TGFBR2: variants seen among roughly 807,000 people sequenced by gnomAD.
TGFBR2 encodes the protein transforming growth factor beta receptor 2.
In TGFBR2, 18 loss-of-function variants were observed where a neutral mutation model predicts 49.0. That is an observed-to-expected ratio of 0.37 (90% confidence interval 0.25 to 0.54). The LOEUF (loss-of-function observed/expected upper bound fraction) is 0.54. TGFBR2 is among the 20% of genes least tolerant of loss of function. The probability of loss-of-function intolerance (pLI) is 0.85; values close to 1 mark genes in which losing one functional copy is unlikely to be tolerated. For synonymous variants in TGFBR2, 282 were observed against 275.9 expected, an observed-to-expected ratio of 1.02 and a Z score of -0.22; for missense variants, 525 against 722.6, an observed-to-expected ratio of 0.73 and a Z score of 3.13.
chr3:30,648,455 CACACACA>C (rs1698815890), intron 2 of TGFBR2, among the ~76,000 whole-genome samples: 1 of 140,508 alleles, frequency 7.1e-6, no homozygotes, highest in African/African-American at 2.7e-5. Context: ...CACACACACA[CACACACA>C]AAACTGTGGG....
chr3:30,688,134 G>T (rs903432972), intron 5 of TGFBR2, among the ~76,000 whole-genome samples: 1 of 152,146 alleles, frequency 6.6e-6, no homozygotes, highest in Non-Finnish European at 1.5e-5. Flanking sequence ...TGTCCACTGT[G>T]TCCCCCAGCG....
intron 3 of TGFBR2, among the ~76,000 whole-genome samples, chr3:30,658,076 C>A (rs1412294334): frequency 3.3e-5 from 5 of 152,204 alleles, no homozygotes; most frequent in Admixed American, 1.3e-4. Flanking sequence ...CTACTCAACT[C>A]TTCTGTGGTA....
At chr3:30,678,313 C>T (rs952483458) in intron 5 of TGFBR2, among the ~76,000 whole-genome samples, 3 of 151,992 alleles carry the variant, frequency 2.0e-5, no homozygotes, top group African/African-American at 7.2e-5. Context: ...TTTGGGAAGC[C>T]GAGGCGGGTG....
chr3:30,642,780 C>G, intron 1 of TGFBR2, among the ~76,000 whole-genome samples: 1 of 152,062 alleles, frequency 6.6e-6, no homozygotes, highest in Non-Finnish European at 1.5e-5. Flanking sequence ...AAAATTGATC[C>G]AAGTATAACC....
intron 1 of TGFBR2, among the ~76,000 whole-genome samples, chr3:30,629,497 C>G (rs987098839): frequency 6.6e-6 from 1 of 152,192 alleles, no homozygotes; most frequent in Admixed American, 6.5e-5. Flanking sequence ...CTGTTTATAC[C>G]CTCCATACCT....
chr3:30,627,048 T>C (rs1160984435), intron 1 of TGFBR2, among the ~76,000 whole-genome samples: 2 of 152,116 alleles, frequency 1.3e-5, no homozygotes, highest in Non-Finnish European at 2.9e-5. Flanking sequence ...GATGGGAAGA[T>C]AGGAAATCCC....
At chr3:30,683,608 C>T (rs564387941) in intron 5 of TGFBR2, among the ~76,000 whole-genome samples, 55 of 152,332 alleles carry the variant, frequency 3.6e-4, no homozygotes, top group Admixed American at 7.8e-4. Context: ...ATTTACATTT[C>T]TTTATACATA....
intron 3 of TGFBR2, among the ~76,000 whole-genome samples, chr3:30,657,246 G>T (rs950747161): frequency 6.6e-6 from 1 of 152,166 alleles, no homozygotes; most frequent in African/African-American, 2.4e-5. Context: ...CCCATGGGAG[G>T]CTGCACAACT....
intron 1 of TGFBR2, among the ~76,000 whole-genome samples, chr3:30,638,807 G>A (rs1698589826): frequency 6.6e-6 from 1 of 152,162 alleles, no homozygotes; most frequent in Non-Finnish European, 1.5e-5. Context: ...TCTTTGTTCT[G>A]GGTGGGAGGA....
At chr3:30,688,020 G>C (rs1175426043) in intron 5 of TGFBR2, among the ~76,000 whole-genome samples, 1 of 152,100 alleles carries the variant, frequency 6.6e-6, no homozygotes, top group East Asian at 1.9e-4. Context: ...TAATACATAA[G>C]ATTTTTCCAC....
At chr3:30,655,787 G>A (rs1230148984) in intron 3 of TGFBR2, among the ~76,000 whole-genome samples, 1 of 152,200 alleles carries the variant, frequency 6.6e-6, no homozygotes, top group African/African-American at 2.4e-5. Flanking sequence ...CCAGCACAGT[G>A]GCTGGCACAC....
rs775405890 is a variant in TGFBR2, at chr3:30,606,954, T to C, written c.71T>C (p.Ile24Thr). The C allele has an allele frequency of 6.2e-7, 1 of 1,601,890 alleles. No homozygotes were observed. The highest frequency in any genetic ancestry group is 2.3e-5 in the East Asian group (1 of 44,208). ...IVLWTRIAST[I>T]PPHVQKSVNN... is the part of the protein sequence containing the mutation. The stretch of plus-strand genomic sequence containing the variant: ...CTGTGGACGCGTATCGCCAGCACGA[T>C]CCCACCGCACGTTCAGAAGTCGGGT... The change falls in exon 1 of 7, where the codon ATC becomes ACC. Residue 24 changes from isoleucine to threonine, a missense_variant. Ile to Thr is a moderately conservative substitution (Grantham distance 89). Coordinates refer to ENST00000295754, the MANE Select transcript of TGFBR2 (RefSeq NM_003242.6).
chr3:30,606,773 G>T lies in TGFBR2; in HGVS notation c.-111G>T. 1.3e-6 allele frequency: 1 copy of T among 784,522 alleles called. No homozygotes were observed. Among genetic ancestry groups the T allele is most frequent in the South Asian group, 5.5e-5 (1 of 18,266 alleles). The allele number at this position is 784,522 out of a possible 1,614,324, so 48.6% of individuals were successfully genotyped here. ...ATCTGGCCCGCACATCTGCGCTGCC[G>T]GCCCGGCGCGGGGTCCGGAGAGGGC... On this transcript the variant is annotated 5_prime_UTR_variant, in exon 1 of 7. Coordinates refer to ENST00000295754, the MANE Select transcript of TGFBR2 (RefSeq NM_003242.6).
chr3:30,638,970 A>C (rs1301395955), intron 1 of TGFBR2, among the ~76,000 whole-genome samples: 3 of 152,194 alleles, frequency 2.0e-5, no homozygotes, highest in African/African-American at 7.2e-5. Context: ...CCTTTCAGAG[A>C]ACATGTCTTT....
chr3:30,689,457 G>A (rs1402113320), intron 6 of TGFBR2, among the ~76,000 whole-genome samples: 2 of 152,206 alleles, frequency 1.3e-5, no homozygotes, highest in African/African-American at 2.4e-5. Context: ...CCGAGGCTAA[G>A]TTGTTGGTTT....
At chr3:30,642,929 C>A (rs916695678) in intron 1 of TGFBR2, among the ~76,000 whole-genome samples, 2 of 152,132 alleles carry the variant, frequency 1.3e-5, no homozygotes, top group African/African-American at 4.8e-5. Context: ...TAGCTTGTTA[C>A]CTAAAAATAA....
At chr3:30,669,266 C>G (rs1359055224) in intron 3 of TGFBR2, among the ~76,000 whole-genome samples, 3 of 149,808 alleles carry the variant, frequency 2.0e-5, no homozygotes, top group African/African-American at 7.4e-5. Flanking sequence ...GACTCCATCT[C>G]GAGAAAAAAA....
At chr3:30,674,492 C>T (rs1462071068) in intron 5 of TGFBR2, among the ~76,000 whole-genome samples, 3 of 152,174 alleles carry the variant, frequency 2.0e-5, no homozygotes, top group African/African-American at 7.2e-5. Flanking sequence ...TTACTCTTCT[C>T]TTGACACATC....
chr3:30,610,752 T>C (rs2125442887), intron 1 of TGFBR2, among the ~76,000 whole-genome samples: 1 of 152,312 alleles, frequency 6.6e-6, no homozygotes, highest in South Asian at 2.1e-4. Context: ...ACATAGTAAA[T>C]GCTCAATAAA....
Sources: allele counts gnomAD v4.1 joint callset (sites outside exome capture counted in the v4.1 genomes callset), GRCh38; gene constraint gnomAD v4.1.1; transcripts MANE v1.5; gene names NCBI Gene and HGNC (gene_info 2026-07-23, HGNC 2026-07-21).